STPG2: variants seen among roughly 807,000 people sequenced by gnomAD.
STPG2 encodes the protein sperm tail PG-rich repeat containing 2, also known as sperm-tail PG-rich repeat-containing protein 2.
In STPG2, 56 loss-of-function variants were observed where a neutral mutation model predicts 54.2. The ratio of observed to expected loss-of-function variants is 1.03; its 90% confidence interval spans 0.83 to 1.29. STPG2 has a LOEUF of 1.29. STPG2 is among the 50% of genes most tolerant of loss of function. The pLI is 0.00. For missense variants in STPG2, 596 were observed against 544.9 expected, an observed-to-expected ratio of 1.09 and a Z score of -0.93; for synonymous variants, 200 against 181.8, an observed-to-expected ratio of 1.10 and a Z score of -0.81.
At chr4:97,637,261 A>G (rs1721580693) in intron 10 of STPG2, among the ~76,000 whole-genome samples, 3 of 152,252 alleles carry the variant, frequency 2.0e-5, no homozygotes, top group Admixed American at 6.5e-5. Flanking sequence ...ATCTCAATAG[A>G]TGCAGAAAAG....
chr4:97,661,880 G>A (rs1722385409), intron 10 of STPG2, among the ~76,000 whole-genome samples: 1 of 152,124 alleles, frequency 6.6e-6, no homozygotes, highest in Non-Finnish European at 1.5e-5. Context: ...TGCCAAGAAT[G>A]GTGGATTATA....
chr4:97,729,428 T>C (rs1430206263), intron 9 of STPG2, among the ~76,000 whole-genome samples: 1 of 152,194 alleles, frequency 6.6e-6, no homozygotes, highest in Non-Finnish European at 1.5e-5. Context: ...TCTTTTATTT[T>C]GGTGAAGCCA....
intron 9 of STPG2, among the ~76,000 whole-genome samples, chr4:97,720,595 C>T (rs926262674): frequency 5.3e-5 from 8 of 151,826 alleles, no homozygotes; most frequent in Admixed American, 4.6e-4. Flanking sequence ...TGAACTGGGT[C>T]TAGGAGATGG....
chr4:98,082,461 T>C (rs1738377096), intron 5 of STPG2, among the ~76,000 whole-genome samples: 1 of 91,184 alleles, frequency 1.1e-5, no homozygotes, highest in Non-Finnish European at 2.2e-5. Flanking sequence ...TTTTTTTTTT[T>C]TTTTTTTTTT....
At chr4:97,847,685 T>C (rs1728998421) in intron 8 of STPG2, among the ~76,000 whole-genome samples, 1 of 152,210 alleles carries the variant, frequency 6.6e-6, no homozygotes, top group South Asian at 2.1e-4. Context: ...TCTGGACATT[T>C]GCACATCATT....
chr4:97,442,206 C>G (rs1158102176), intron 4 of STPG2, among the ~76,000 whole-genome samples: 1 of 151,688 alleles, frequency 6.6e-6, no homozygotes, highest in African/African-American at 2.4e-5. Flanking sequence ...ATCACTTTTA[C>G]TACATGACAT....
intron 7 of STPG2, among the ~76,000 whole-genome samples, chr4:97,952,052 T>C (rs1357210049): frequency 6.6e-6 from 1 of 152,088 alleles, no homozygotes; most frequent in Non-Finnish European, 1.5e-5. Context: ...ATTGTTCCAG[T>C]ATTCCTGCTA....
At chr4:97,523,086 T>C (rs1282105848) in intron 4 of STPG2, among the ~76,000 whole-genome samples, 1 of 151,942 alleles carries the variant, frequency 6.6e-6, no homozygotes, top group African/African-American at 2.4e-5. Flanking sequence ...AGTTACACCT[T>C]TAATATATTG....
At chr4:97,485,230 A>T (rs79094340) in intron 4 of STPG2, among the ~76,000 whole-genome samples, 16,561 of 151,828 alleles carry the variant, frequency 0.11, 2,663 homozygotes, top group African/African-American at 0.35. Flanking sequence ...AGATAAAGAA[A>T]TAAAGGGCAT....
intron 10 of STPG2, among the ~76,000 whole-genome samples, chr4:97,654,461 G>A (rs772130407): frequency 1.3e-5 from 2 of 151,590 alleles, no homozygotes; most frequent in Non-Finnish European, 2.9e-5. Flanking sequence ...GCATCAATCC[G>A]ACAATTCCAC....
chr4:97,562,406 C>T (rs1294630661), intron 10 of STPG2, among the ~76,000 whole-genome samples: 2 of 152,138 alleles, frequency 1.3e-5, no homozygotes, highest in African/African-American at 4.8e-5. Context: ...ATTAGACTTC[C>T]TCTTTTCCTA....
intron 4 of STPG2, among the ~76,000 whole-genome samples, chr4:97,542,178 A>G (rs1038704826): frequency 1.3e-5 from 2 of 152,238 alleles, no homozygotes; most frequent in African/African-American, 4.8e-5. Flanking sequence ...GAGAGTGAAC[A>G]GGCAACTTAC....
chr4:97,702,923 G>C (rs1015963226), intron 10 of STPG2, among the ~76,000 whole-genome samples: 1 of 152,124 alleles, frequency 6.6e-6, no homozygotes, highest in Non-Finnish European at 1.5e-5. Flanking sequence ...TTCTCTACAG[G>C]AGGTAAGACT....
intron 5 of STPG2, among the ~76,000 whole-genome samples, chr4:98,045,775 C>A (rs929506807): frequency 6.6e-6 from 1 of 152,026 alleles, no homozygotes; most frequent in Non-Finnish European, 1.5e-5. Context: ...ACACAAGTTG[C>A]TTTTCTCTAG....
intron 10 of STPG2, among the ~76,000 whole-genome samples, chr4:97,626,409 C>T (rs757783184): frequency 6.6e-6 from 1 of 152,154 alleles, no homozygotes; most frequent in Non-Finnish European, 1.5e-5. Context: ...ATGGAGTCTT[C>T]CTTAACTAAC....
At chr4:97,673,095 T>G (rs1221417264) in intron 10 of STPG2, among the ~76,000 whole-genome samples, 1 of 152,208 alleles carries the variant, frequency 6.6e-6, no homozygotes, top group Admixed American at 6.5e-5. Context: ...TAAATAAGCC[T>G]GTAGGGAGAA....
chr4:98,087,461 C>T (rs911952665), intron 5 of STPG2, among the ~76,000 whole-genome samples: 4 of 152,086 alleles, frequency 2.6e-5, no homozygotes, highest in Non-Finnish European at 4.4e-5. Context: ...TACTTCTACT[C>T]AAAATGCCCT....
At chr4:97,672,833 G>A (rs144603097) in intron 10 of STPG2, among the ~76,000 whole-genome samples, 294 of 152,322 alleles carry the variant, frequency 1.9e-3, no homozygotes, top group African/African-American at 7.0e-3. Context: ...ACAACAGAAT[G>A]TAAAATTCAC....
At chr4:97,788,107 A>T (rs1173567994) in intron 9 of STPG2, among the ~76,000 whole-genome samples, 3 of 151,916 alleles carry the variant, frequency 2.0e-5, no homozygotes, top group Non-Finnish European at 4.4e-5. Flanking sequence ...TAGTTATTTT[A>T]AAAGTGTACA....
Sources: gnomAD v4.1 joint callset for allele counts (sites outside exome capture counted in the v4.1 genomes callset) on GRCh38, gnomAD v4.1.1 for gene constraint, MANE v1.5 for transcripts, NCBI Gene and HGNC (gene_info 2026-07-23, HGNC 2026-07-21) for gene names.